Variants in GRK3 observed in about 807,000 individuals in gnomAD.
GRK3 encodes the protein G protein-coupled receptor kinase 3.
Under a neutral mutation model 95.7 loss-of-function variants are expected in GRK3, and 54 were observed. The observed-to-expected ratio is 0.56, with a 90% CI of 0.45 to 0.71. The LOEUF is 0.71. Ranked by LOEUF, GRK3 falls within the 30% of genes least tolerant of loss-of-function variation. GRK3 has a pLI of 0.00. For synonymous variants in GRK3, 281 were observed against 290.8 expected (o/e 0.97, Z 0.34); for missense variants, 649 against 851.2 (o/e 0.76, Z 2.96).
chr22:25,726,519 GTTGGGAGATGAT>G lies in GRK3; in HGVS notation c.*4075_*4086del, dbSNP rs1184817433. On this transcript the variant is annotated 3_prime_UTR_variant, in exon 21 of 21. Coordinates refer to ENST00000324198, the MANE Select transcript of GRK3 (RefSeq NM_005160.4). Reference sequence around the variant, plus strand: ...CCCACCCTGAGTGAGGGGTTGACTTGTTGGGAGATGATTTGGGCTTCACTGGGATCTGTGACA... The same window carrying G: ...CCCACCCTGAGTGAGGGGTTGACTTGTTGGGCTTCACTGGGATCTGTGACA... 4 of 152,214 alleles carry G rather than the reference GTTGGGAGATGAT, an allele frequency of 2.6e-5. No homozygotes were observed. Among genetic ancestry groups the G allele is most frequent in the African/African-American group, 7.2e-5 (3 of 41,438 alleles). 9.4% of individuals were successfully genotyped at this position (152,214 alleles called of 1,614,324 possible).
At chr22:25,687,786 A>G in intron 11 of GRK3, 119 bp downstream of exon 11, 1 of 1,130,304 alleles carries the variant, frequency 8.8e-7, no homozygotes, top group East Asian at 2.4e-5. Flanking sequence ...CTCAGCCCTG[A>G]TGAAGTCATT....
chr22:25,653,929 G>A (rs1010733811), intron 3 of GRK3, among the ~76,000 whole-genome samples: 6 of 152,106 alleles, frequency 3.9e-5, no homozygotes, highest in East Asian at 3.9e-4. Context: ...CCTCGTAATC[G>A]GCCCGCCTCA....
At chr22:25,648,668 C>T (rs1459682537) in intron 3 of GRK3, 1 of 1,022,476 alleles carries the variant, frequency 9.8e-7, no homozygotes, top group East Asian at 2.4e-5. Context: ...CAAAAGGAAG[C>T]TTATTCAATT....
chr22:25,572,506 C>G (rs1940054124), intron 1 of GRK3, among the ~76,000 whole-genome samples: 1 of 152,208 alleles, frequency 6.6e-6, no homozygotes, highest in African/African-American at 2.4e-5. Flanking sequence ...TCCACATCCT[C>G]TCCAACACCT....
At chr22:25,683,592 A>G (rs1000725803) in intron 9 of GRK3, among the ~76,000 whole-genome samples, 5 of 152,084 alleles carry the variant, frequency 3.3e-5, no homozygotes, top group African/African-American at 1.2e-4. Context: ...TAGTGATGGC[A>G]TATTGTAGTT....
chr22:25,571,026 T>C (rs549932901), intron 1 of GRK3, among the ~76,000 whole-genome samples: 1 of 152,328 alleles, frequency 6.6e-6, no homozygotes, highest in Non-Finnish European at 1.5e-5. Context: ...TATTTTGTGA[T>C]AGGTAGTTGG....
At chr22:25,626,175 C>T (rs377040585) in intron 2 of GRK3, among the ~76,000 whole-genome samples, 1 of 152,152 alleles carries the variant, frequency 6.6e-6, no homozygotes, top group Non-Finnish European at 1.5e-5. Flanking sequence ...GTGATCTGCC[C>T]GCCTCAGCCT....
At chr22:25,645,304 C>G (rs1314118998) in intron 3 of GRK3, among the ~76,000 whole-genome samples, 1 of 152,166 alleles carries the variant, frequency 6.6e-6, no homozygotes, top group African/African-American at 2.4e-5. Flanking sequence ...AAGATGTGGT[C>G]TGGTGACATT....
At chr22:25,571,186 T>G (rs973903994) in intron 1 of GRK3, among the ~76,000 whole-genome samples, 18 of 152,148 alleles carry the variant, frequency 1.2e-4, no homozygotes, top group African/African-American at 3.9e-4. Context: ...CTGTCATTGC[T>G]GGGCCCCTCG....
At chr22:25,661,089 G>C (rs1293511827) in intron 3 of GRK3, among the ~76,000 whole-genome samples, 1 of 152,152 alleles carries the variant, frequency 6.6e-6, no homozygotes, top group African/African-American at 2.4e-5. Context: ...ATACTTATTT[G>C]CTTTAGTTGA....
chr22:25,648,679 T>C, intron 3 of GRK3: 1 of 1,037,292 alleles, frequency 9.6e-7, no homozygotes, highest in South Asian at 1.3e-5. Flanking sequence ...TTATTCAATT[T>C]CCTTAAGGAA....
intron 1 of GRK3, among the ~76,000 whole-genome samples, chr22:25,567,474 A>G (rs1931531737): frequency 6.6e-6 from 1 of 152,190 alleles, no homozygotes; most frequent in Admixed American, 6.5e-5. Flanking sequence ...GAATTTCTAG[A>G]TCCTGTAAAA....
Position 25,714,467 on chromosome 22 carries a change from G to T in GRK3, c.1551G>T (p.Trp517Cys). 6.2e-7 allele frequency: 1 copy of T among 1,614,004 alleles called. No homozygotes were observed. The highest frequency in any genetic ancestry group is 1.1e-5 in the South Asian group (1 of 91,040). ...TCCCTTTGGTCATCTCTGAACGCTG[G>T]CAGCAAGAAGTAACGGAAACAGTTT... ...KNFPLVISER[W>C]QQEVTETVYE... is the part of the protein sequence containing the mutation. Residue 517 changes from tryptophan (W) to cysteine (C), a missense_variant, in exon 18 of 21, where the codon TGG becomes TGT. This residue lies in a region of GRK3 where 382 missense variants were observed against 493.8 expected (regional missense o/e 0.77). Transcript: ENST00000324198.
rs1671294568 is a variant in GRK3, at chr22:25,722,920, T to G, written c.*470T>G. On this transcript the variant is annotated 3_prime_UTR_variant, in exon 21 of 21. Coordinates refer to ENST00000324198, the MANE Select transcript of GRK3 (RefSeq NM_005160.4). ...TCTTTTGTGCACTTCGCAACTGACT[T>G]CTTGTCCTGGGGTTAAAAGTTGAAG... 6.6e-6 allele frequency: 1 copy of G among 152,622 alleles called. No individual in the cohort carries two copies. Among genetic ancestry groups the G allele is most frequent in the African/African-American group, 2.4e-5 (1 of 41,466 alleles). 9.5% of individuals were successfully genotyped at this position (152,622 alleles called of 1,614,324 possible). A position where few individuals can be genotyped will look rare whatever the true frequency, so the allele number is the denominator to read the frequency against.
At chr22:25,649,878 T>G (rs188149105) in intron 3 of GRK3, among the ~76,000 whole-genome samples, 184 of 152,338 alleles carry the variant, frequency 1.2e-3, no homozygotes, top group African/African-American at 2.6e-3. Context: ...ACATTCATAT[T>G]AATGGAACTG....
chr22:25,714,695 C>A, intron 18 of GRK3, 125 bp downstream of exon 18: 2 of 888,778 alleles, frequency 2.3e-6, no homozygotes, highest in Non-Finnish European at 3.3e-6. Context: ...TGCCATAAAT[C>A]GCTTTAGTTT....
chr22:25,662,610 G>A (rs554995509), intron 4 of GRK3, among the ~76,000 whole-genome samples: 1 of 152,320 alleles, frequency 6.6e-6, no homozygotes, highest in East Asian at 1.9e-4. Context: ...CTTTCTTGCG[G>A]CATGCACTGC....
At chr22:25,565,227 G>A (rs891700045) in intron 1 of GRK3, 74 bp downstream of exon 1, 66 of 750,444 alleles carry the variant, frequency 8.8e-5, no homozygotes, top group Non-Finnish European at 1.2e-4. Context: ...CTGCTTCCTG[G>A]AGGGTCGGGC....
chr22:25,670,576 C>T (rs2084972789), intron 6 of GRK3, among the ~76,000 whole-genome samples: 1 of 152,000 alleles, frequency 6.6e-6, no homozygotes, highest in African/African-American at 2.4e-5. Context: ...GTCTTTAAGG[C>T]ATTCCAGTAT....
Sources: gnomAD v4.1 joint callset for allele counts (sites outside exome capture counted in the v4.1 genomes callset) on GRCh38, gnomAD v4.1.1 for gene constraint, gnomAD v4.1.1 regional missense constraint, MANE v1.5 for transcripts, NCBI Gene and HGNC (gene_info 2026-07-23, HGNC 2026-07-21) for gene names.